ATP6V1A: variants seen among roughly 807,000 people sequenced by gnomAD.
ATP6V1A encodes the protein V-type proton ATPase catalytic subunit A.
Under a neutral mutation model 70.1 loss-of-function variants are expected in ATP6V1A, and 18 were observed. The observed-to-expected ratio is 0.26, with a 90% confidence interval of 0.18 to 0.38. The LOEUF is 0.38. Ranked by LOEUF, ATP6V1A falls within the 10% of genes least tolerant of loss-of-function variation. The pLI, the probability that ATP6V1A is intolerant of heterozygous loss-of-function variation, is 1.00. For missense variants in ATP6V1A, 424 were observed against 772.4 expected, an observed-to-expected ratio of 0.55 and a Z score of 5.35; for synonymous variants, 232 against 253.8, an observed-to-expected ratio of 0.91 and a Z score of 0.82.
At chr3:113,780,769 C>T (rs1430300182) in intron 2 of ATP6V1A, 2 of 1,310,920 alleles carry the variant, frequency 1.5e-6, no homozygotes, top group Non-Finnish European at 2.0e-6. Context: ...TCAGAACATA[C>T]CTGAATCCTA....
chr3:113,786,879 A>C (rs1275386859), intron 6 of ATP6V1A, among the ~76,000 whole-genome samples: 1 of 151,866 alleles, frequency 6.6e-6, no homozygotes, highest in African/African-American at 2.4e-5. Context: ...CAGCTCAAGC[A>C]ATCCTCCTCC....
intron 1 of ATP6V1A, among the ~76,000 whole-genome samples, chr3:113,776,613 G>A (rs923438789): frequency 9.9e-5 from 15 of 152,194 alleles, no homozygotes; most frequent in African/African-American, 3.1e-4. Context: ...GAGCTTCTTC[G>A]ACTTATCCTG....
intron 1 of ATP6V1A, among the ~76,000 whole-genome samples, chr3:113,769,901 C>A (rs1708814987): frequency 6.6e-6 from 1 of 152,116 alleles, no homozygotes; most frequent in African/African-American, 2.4e-5. Flanking sequence ...TACTTTTTAT[C>A]CTTAAACACA....
intron 1 of ATP6V1A, 73 bp from the exon 2 acceptor site, chr3:113,778,668 G>A (rs1281618320): frequency 1.4e-6 from 1 of 733,142 alleles, no homozygotes; most frequent in Admixed American, 3.5e-5. Context: ...TCATCTTAGT[G>A]GACTACCTAT....
intron 12 of ATP6V1A, chr3:113,801,315 A>G (rs1276044212): frequency 2.0e-5 from 3 of 152,208 alleles, no homozygotes; most frequent in Admixed American, 6.5e-5. Context: ...GAACTTCAAC[A>G]GAAGTGTGGC....
At chr3:113,749,262 A>ATC (rs1708558203) in intron 1 of ATP6V1A, among the ~76,000 whole-genome samples, 1 of 105,310 alleles carries the variant, frequency 9.5e-6, no homozygotes, top group African/African-American at 4.1e-5. Context: ...TTATACACAG[A>ATC]TCACACACAC....
intron 1 of ATP6V1A, among the ~76,000 whole-genome samples, chr3:113,757,827 A>G (rs1048575006): frequency 1.3e-5 from 2 of 152,218 alleles, no homozygotes; most frequent in African/African-American, 2.4e-5. Flanking sequence ...ACAAATTTGC[A>G]TAGGTCAAAT....
intron 6 of ATP6V1A, 105 bp from the exon 7 acceptor site, chr3:113,788,608 A>G: frequency 1.9e-6 from 2 of 1,047,478 alleles, no homozygotes; most frequent in Non-Finnish European, 2.7e-6. Flanking sequence ...GGCCCCCACA[A>G]GTGCTGCTGG....
chr3:113,775,808 T>C lies in ATP6V1A; in HGVS notation c.-13-2933T>C, dbSNP rs1340305846. Among the ~76,000 whole-genome samples the C allele has an allele frequency of 2.0e-5, 3 of 152,202 alleles. No individual in the cohort carries two copies. The East Asian group carries it at 5.8e-4, about 29-fold the overall frequency. ...TAGACTGTGTATGATTGTCAGTTTCTTCTCTGATTTTGAAAATCTTTGATT... is the reference window on the plus strand; with the variant it reads ...TAGACTGTGTATGATTGTCAGTTTCCTCTCTGATTTTGAAAATCTTTGATT... On this transcript the variant is annotated intron_variant, in intron 1 of 14. Transcript: ENST00000273398.
intron 6 of ATP6V1A, 47 bp downstream of exon 6, chr3:113,786,430 G>C (rs370955893): frequency 6.3e-7 from 1 of 1,580,948 alleles, no homozygotes; most frequent in Non-Finnish European, 8.6e-7. Flanking sequence ...GTTATTATAT[G>C]TGCTTATGTT....
chr3:113,777,709 C>T (rs1010910122), intron 1 of ATP6V1A, among the ~76,000 whole-genome samples: 1 of 152,116 alleles, frequency 6.6e-6, no homozygotes, highest in Non-Finnish European at 1.5e-5. Context: ...GCCATGATCA[C>T]ACCATTACAC....
Position 113,809,411 on chromosome 3 carries a change from G to T in ATP6V1A, c.1838G>T (p.Arg613Leu). The change falls in exon 15 of 15, where the codon CGT becomes CTT. Residue 613 changes from arginine to leucine, a missense_variant. Arg to Leu is a moderately radical substitution (Grantham distance 102). Coordinates refer to ENST00000273398, the MANE Select transcript of ATP6V1A (RefSeq NM_001690.4). ...QLLEDMQNAF[R>L]SLED is the part of the protein sequence containing the mutation. Reference sequence around the variant, plus strand: ...CTTGAAGACATGCAGAATGCATTCCGTAGCCTTGAAGATTAGAAGCCTTGA... The same window carrying T: ...CTTGAAGACATGCAGAATGCATTCCTTAGCCTTGAAGATTAGAAGCCTTGA... The T allele has an allele frequency of 6.2e-7, 1 of 1,613,262 alleles. No homozygotes were observed. Among genetic ancestry groups the T allele is most frequent in the Non-Finnish European group, 8.5e-7 (1 of 1,179,426 alleles).
At chr3:113,764,303 C>A (rs916993174) in intron 1 of ATP6V1A, among the ~76,000 whole-genome samples, 3 of 151,864 alleles carry the variant, frequency 2.0e-5, no homozygotes, top group African/African-American at 7.3e-5. Flanking sequence ...AGTCTTGGTA[C>A]GCAGTAGAGA....
chr3:113,782,561 T>TATATATATACAC (rs1244311261), intron 3 of ATP6V1A, among the ~76,000 whole-genome samples: 10 of 146,000 alleles, frequency 6.8e-5, no homozygotes, highest in Admixed American at 2.7e-4. Flanking sequence ...TATATACATG[T>TATATATATACAC]GTATATATAT....
intron 2 of ATP6V1A, 180 bp downstream of exon 2, chr3:113,779,015 CATTG>C: frequency 2.5e-6 from 1 of 394,044 alleles, no homozygotes; most frequent in Non-Finnish European, 4.6e-6. Context: ...GCTCATCTAG[CATTG>C]ATTATCTAAA....
intron 8 of ATP6V1A, among the ~76,000 whole-genome samples, chr3:113,792,726 A>G (rs539672658): frequency 3.3e-5 from 5 of 152,214 alleles, no homozygotes; most frequent in Non-Finnish European, 7.3e-5. Flanking sequence ...TAGCCCTTCA[A>G]AAGGGCTAAC....
intron 1 of ATP6V1A, among the ~76,000 whole-genome samples, chr3:113,774,767 T>G (rs1405140518): frequency 6.6e-6 from 1 of 150,758 alleles, no homozygotes; most frequent in Non-Finnish European, 1.5e-5. Flanking sequence ...GAGCCGAGAT[T>G]GCACCACTGC....
intron 4 of ATP6V1A, 87 bp downstream of exon 4, chr3:113,784,525 A>G: frequency 7.1e-7 from 1 of 1,410,256 alleles, no homozygotes. Context: ...CTTAGTCCAA[A>G]TAAAAATAGA....
chr3:113,798,078 A>T (rs1709172820), intron 11 of ATP6V1A, among the ~76,000 whole-genome samples, 165 bp from the exon 12 acceptor site: 1 of 152,146 alleles, frequency 6.6e-6, no homozygotes, highest in Non-Finnish European at 1.5e-5. Flanking sequence ...GGTTGTAGTG[A>T]GCCGAGATCA....
Sources: gnomAD v4.1 joint callset for allele counts (sites outside exome capture counted in the v4.1 genomes callset) on GRCh38, gnomAD v4.1.1 for gene constraint, MANE v1.5 for transcripts, NCBI Gene and HGNC (gene_info 2026-07-23, HGNC 2026-07-21) for gene names.